HLA-DRB5: variants seen among roughly 807,000 people sequenced by gnomAD.
HLA-DRB5 encodes the protein major histocompatibility complex, class II, DR beta 5.
HLA-DRB5 carries 11 observed loss-of-function variants against 22.4 expected under a neutral mutation model. That is an observed-to-expected ratio of 0.49 (90% CI 0.31 to 0.81). HLA-DRB5 has a LOEUF of 0.81. HLA-DRB5 is among the 40% of genes least tolerant of loss of function. The pLI, the probability that HLA-DRB5 is intolerant of heterozygous loss-of-function variation, is 0.05. For synonymous variants in HLA-DRB5, 57 were observed against 106.0 expected (o/e 0.54, Z 2.84); for missense variants, 106 against 274.4 (o/e 0.39, Z 4.34).
chr6:32,520,761 A>C (rs1199003187), intron 2 of HLA-DRB5, among the ~76,000 whole-genome samples: 687 of 46,194 alleles, frequency 0.015, 18 homozygotes, highest in Admixed American at 0.025. Flanking sequence ...CATTAATAAA[A>C]GTTTTGGAAT....
intron 2 of HLA-DRB5, among the ~76,000 whole-genome samples, chr6:32,521,423 C>T (rs115570563): frequency 0.77 from 82,002 of 106,156 alleles, 33,275 homozygotes; most frequent in Middle Eastern, 0.86. Context: ...ATTTCAGAGA[C>T]TGCGTGAAGG....
At chr6:32,521,481 A>C (rs1768858825) in intron 2 of HLA-DRB5, among the ~76,000 whole-genome samples, 1 of 123,428 alleles carries the variant, frequency 8.1e-6, no homozygotes, top group Non-Finnish European at 1.7e-5. Context: ...ATTATCACAA[A>C]TCTTCCACAC....
intron 1 of HLA-DRB5, among the ~76,000 whole-genome samples, chr6:32,525,784 TC>T (rs1462282514): frequency 7.1e-6 from 1 of 141,270 alleles, no homozygotes; most frequent in Non-Finnish European, 1.6e-5. Context: ...TGGTACACAG[TC>T]ACTGCAAAAT....
At chr6:32,521,174 T>C (rs188075216) in intron 2 of HLA-DRB5, among the ~76,000 whole-genome samples, 2 of 69,212 alleles carry the variant, frequency 2.9e-5, no homozygotes, top group African/African-American at 1.1e-4. Flanking sequence ...AAAAGAATAA[T>C]AGGTAAGTAG....
chr6:32,521,811 TCA>T (rs771632640), intron 2 of HLA-DRB5, 92 bp downstream of exon 2: 23,245 of 227,636 alleles, frequency 0.1, 165 homozygotes, highest in Non-Finnish European at 0.12. Context: ...CCTCTCTCTC[TCA>T]CACACACACA....
At position 32,518,553 on chromosome 6, in the gene HLA-DRB5, C is replaced by A. The variant is rs569091578; in HGVS notation, c.763+3G>T. ...GAGAGAGCCGCTACCAAAGGCTCCTCACCTTTCTGATTCTTGAAGTAGATG... is the reference window on the plus strand; with the variant it reads ...GAGAGAGCCGCTACCAAAGGCTCCTAACCTTTCTGATTCTTGAAGTAGATG... On this transcript the variant is annotated splice_donor_region_variant and intron_variant, in intron 4 of 5. Coordinates refer to ENST00000374975, the MANE Select transcript of HLA-DRB5 (RefSeq NM_002125.4). The A allele has an allele frequency of 3.5e-6, 2 of 573,636 alleles. 1 individual carries two copies. Among genetic ancestry groups the A allele is most frequent in the South Asian group, 4.7e-5 (2 of 42,240 alleles). 35.5% of individuals were successfully genotyped at this position (573,636 alleles called of 1,614,324 possible). A position where few individuals can be genotyped will look rare whatever the true frequency, so the allele number is the denominator to read the frequency against.
rs113934958 is a variant in HLA-DRB5 at position 32,518,915 on chromosome 6, C to T, written c.653-249G>A. 4.9e-3 allele frequency among the ~76,000 whole-genome samples: 260 copies of T among 52,868 alleles called. 2 individuals carry two copies. The highest frequency in any genetic ancestry group is 6.2e-3 in the African/African-American group (95 of 15,350). The allele number at this position is 52,868 out of a possible 152,430, so 34.7% of individuals were successfully genotyped here. A position where few individuals can be genotyped will look rare whatever the true frequency, so the allele number is the denominator to read the frequency against. On this transcript the variant is annotated intron_variant, in intron 3 of 5. Transcript: ENST00000374975. ...GCTTCAACATCTGATAAACAGAAAG[C>T]CTGAGACTCAATGAGGTTAAATAGT...
rs1461409855 is a variant in HLA-DRB5 at position 32,521,799 on chromosome 6, T to TC, written c.370+105_370+106insG. On this transcript the variant is annotated intron_variant, in intron 2 of 5. Transcript: ENST00000374975. ...GGCGCGCTCCCTCTCTGTCTCTCTC[T>TC]TCCTCTCTCTCTCACACACACACAC... 6.4e-4 allele frequency: 152 copies of TC among 238,556 alleles called. 24 individuals are homozygous for TC. The African/African-American group carries it at 7.1e-3, about 11-fold the overall frequency. 14.8% of individuals were successfully genotyped at this position (238,556 alleles called of 1,614,324 possible).
chr6:32,529,408 T>A (rs111610801), intron 1 of HLA-DRB5, among the ~76,000 whole-genome samples: 655 of 21,612 alleles, frequency 0.03, 19 homozygotes, highest in East Asian at 0.064. Context: ...TGTAATAAAC[T>A]CTAACCTGGG....
chr6:32,518,245 G>A (rs1768355841), intron 4 of HLA-DRB5, among the ~76,000 whole-genome samples, 168 bp from the exon 5 acceptor site: 1 of 67,524 alleles, frequency 1.5e-5, no homozygotes, highest in Non-Finnish European at 2.8e-5. Flanking sequence ...CATGAAGCAT[G>A]ACATGTCTGT....
intron 3 of HLA-DRB5, among the ~76,000 whole-genome samples, chr6:32,519,122 C>A (rs113992516): frequency 0.02 from 2,082 of 104,326 alleles, no homozygotes; most frequent in Middle Eastern, 0.045. Context: ...GTGACCCTGA[C>A]CTGTGACATC....
intron 3 of HLA-DRB5, 45 bp downstream of exon 3, chr6:32,519,325 G>GACCA (rs777029403): frequency 1.6e-6 from 1 of 606,938 alleles, no homozygotes; most frequent in Non-Finnish European, 2.4e-6. Context: ...AGTAAAGTTT[G>GACCA]CTTCTTGGTG....
At chr6:32,521,811 T>TCTCACACACA (rs879229020) in intron 2 of HLA-DRB5, 94 bp downstream of exon 2, 13 of 249,356 alleles carry the variant, frequency 5.2e-5, no homozygotes, top group Non-Finnish European at 7.2e-5. Context: ...CCTCTCTCTC[T>TCTCACACACA]CACACACACA....
At chr6:32,527,097 C>CA (rs1336417608) in intron 1 of HLA-DRB5, among the ~76,000 whole-genome samples, 2,076 of 63,186 alleles carry the variant, frequency 0.033, 119 homozygotes, top group Non-Finnish European at 0.039. Context: ...CACTAGTGAA[C>CA]TCAAGCCTAT....
At chr6:32,527,200 G>A (rs543711237) in intron 1 of HLA-DRB5, among the ~76,000 whole-genome samples, 3 of 86,966 alleles carry the variant, frequency 3.4e-5, no homozygotes, top group Admixed American at 2.7e-4. Flanking sequence ...GCTAGAATTA[G>A]TTTTAAAAAT....
At chr6:32,524,426 T>C (rs373308122) in intron 1 of HLA-DRB5, among the ~76,000 whole-genome samples, 7,173 of 93,650 alleles carry the variant, frequency 0.077, 76 homozygotes, top group East Asian at 0.11. Context: ...ACTCACGTCT[T>C]TCAGTCTCCC....
At chr6:32,522,938 A>C (rs75469638) in intron 1 of HLA-DRB5, among the ~76,000 whole-genome samples, 31,848 of 52,786 alleles carry the variant, frequency 0.6, 12,643 homozygotes, top group Middle Eastern at 0.83. Context: ...TTTAGGAAAT[A>C]CCATGCACAA....
chr6:32,524,750 C>G (rs1769390864), intron 1 of HLA-DRB5, among the ~76,000 whole-genome samples: 1 of 98,298 alleles, frequency 1.0e-5, no homozygotes, highest in South Asian at 3.2e-4. Context: ...GTCACTGTCA[C>G]TGTGGCTTGC....
intron 1 of HLA-DRB5, among the ~76,000 whole-genome samples, chr6:32,528,344 G>T: frequency 5.5e-5 from 1 of 18,328 alleles, no homozygotes; most frequent in South Asian, 9.5e-4. Context: ...CTTGAGAGTC[G>T]GGACCCTCTC....
Sources: allele counts gnomAD v4.1 joint callset (sites outside exome capture counted in the v4.1 genomes callset), GRCh38; gene constraint gnomAD v4.1.1; transcripts MANE v1.5; gene names NCBI Gene and HGNC (gene_info 2026-07-23, HGNC 2026-07-21).